TRIM39: variants seen among roughly 807,000 people sequenced by gnomAD.
TRIM39 encodes the protein E3 ubiquitin-protein ligase TRIM39.
TRIM39 carries 5 observed loss-of-function variants against 53.6 expected under a neutral mutation model. The ratio of observed to expected loss-of-function variants is 0.09; its 90% CI spans 0.05 to 0.20. TRIM39 has a LOEUF of 0.20. TRIM39 is among the 10% of genes least tolerant of loss of function. TRIM39 has a pLI of 1.00. For synonymous variants in TRIM39, 196 were observed against 237.6 expected (o/e 0.82, Z 1.61); for missense variants, 310 against 621.0 (o/e 0.50, Z 5.32).
intron 7 of TRIM39, among the ~76,000 whole-genome samples, chr6:30,341,027 G>A (rs2127412815): frequency 6.6e-6 from 1 of 152,218 alleles, no homozygotes; most frequent in Non-Finnish European, 1.5e-5. Context: ...GGCCAACACG[G>A]TGAAACCCCA....
intron 3 of TRIM39, among the ~76,000 whole-genome samples, chr6:30,330,373 AC>A (rs1304876433): frequency 6.6e-5 from 10 of 152,250 alleles, no homozygotes; most frequent in Admixed American, 6.5e-4. Context: ...CAGGTAACTT[AC>A]AGTATAATAA....
At chr6:30,340,970 G>C (rs369290826) in intron 7 of TRIM39, among the ~76,000 whole-genome samples, 42 of 152,270 alleles carry the variant, frequency 2.8e-4, no homozygotes, top group Admixed American at 2.0e-3. Context: ...CACTTTGGGA[G>C]GCCAAGGCTG....
exon 8 of TRIM39, chr6:30,341,953 G>T: frequency 3.7e-6 from 6 of 1,613,064 alleles, no homozygotes; most frequent in Non-Finnish European, 5.1e-6. Context: ...TGAGCCGAAA[G>T]GGCGAGTTGA....
At chr6:30,330,842 A>C in exon 4 of TRIM39, 1 of 1,614,166 alleles carries the variant, frequency 6.2e-7, no homozygotes, top group East Asian at 2.2e-5. Context: ...ACTCGCTGCA[A>C]GTCCTCTGAG....
chr6:30,341,713 G>A (rs1186248355), exon 8 of TRIM39: 2 of 1,609,610 alleles, frequency 1.2e-6, no homozygotes. Context: ...TCCCGCCAGC[G>A]GATGTGACCC....
At chr6:30,327,665 C>T (rs984095589) in intron 1 of TRIM39, 3 of 152,258 alleles carry the variant, frequency 2.0e-5, no homozygotes, top group Non-Finnish European at 2.9e-5. Context: ...CGTCCTGGTG[C>T]CTTACTGTGC....
chr6:30,338,263 C>T lies in TRIM39; in HGVS notation c.781-1645C>T, dbSNP rs751168109. 1.1e-4 allele frequency among the ~76,000 whole-genome samples: 17 copies of T among 152,176 alleles called. No homozygotes were observed. The highest frequency in any genetic ancestry group is 2.2e-4 in the Non-Finnish European group (15 of 68,030). On this transcript the variant is annotated intron_variant, in intron 5 of 7. Transcript: ENST00000396551. This position sits in a 1 kb window ranked among gnomAD's most constrained non-coding sequence, Gnocchi z 4.0. ...TGGCTTGGTGTTTGGCACAAGAGGC[C>T]TAGCTTTCAGCCCATCTTGGCTTTC...
chr6:30,342,052 C>A lies in TRIM39; in HGVS notation c.1260C>A (p.His420Gln). 6.2e-7 allele frequency: 1 copy of A among 1,613,044 alleles called. No homozygotes were observed. The highest frequency in any genetic ancestry group is 2.2e-5 in the East Asian group (1 of 44,870). ...CCACCACACCTTTTACCCCTTTGCA[C>A]ATCAAGGTGAAACCCAAGCGGGTAG... is the stretch of plus-strand genomic sequence containing the variant. Residue 420 changes from histidine to glutamine, a missense_variant, in exon 8 of 8, where the codon CAC (histidine) becomes CAA (glutamine). This residue lies in a region of TRIM39 where 75 missense variants were observed against 244.8 expected (regional missense o/e 0.31). Coordinates refer to ENST00000396551, the Ensembl canonical transcript of TRIM39. This position sits in a 1 kb window ranked among gnomAD's most constrained non-coding sequence, Gnocchi z 4.7.
At chr6:30,326,653 G>T (rs566055478) in exon 1 of TRIM39, 1 of 152,534 alleles carries the variant, frequency 6.6e-6, no homozygotes, top group African/African-American at 2.4e-5. Context: ...GGGCTTCAGC[G>T]CTCGAGCACG....
Position 30,339,998 on chromosome 6 carries a change from G to A in TRIM39, c.803+68G>A, listed in dbSNP as rs1200975657. 3.7e-6 allele frequency: 6 copies of A among 1,612,146 alleles called. No individual in the cohort carries two copies. The highest frequency in any genetic ancestry group is 5.1e-6 in the Non-Finnish European group (6 of 1,178,802). ...TTAGAGAGGAGGGGTACAGTCAGGA[G>A]TTTGGGTTGGGGGTGAGGTTGGGAA... On this transcript the variant is annotated intron_variant, in intron 6 of 7. Coordinates refer to ENST00000396551, the Ensembl canonical transcript of TRIM39. This position sits in a 1 kb window ranked among gnomAD's most constrained non-coding sequence, Gnocchi z 4.2.
rs1554252677 is a variant in TRIM39 at position 30,339,306 on chromosome 6, AC to A, written c.781-600del. On this transcript the variant is annotated intron_variant, in intron 5 of 7. Coordinates refer to ENST00000396551, the Ensembl canonical transcript of TRIM39. The surrounding 1 kb of genome is among the most constrained non-coding windows in gnomAD (Gnocchi z 4.2). ...TGGGGTTACAGGCGCACACCACCAC[AC>A]CTGGCTAATTTTTGTATTTTTAGTA... 6.6e-6 allele frequency among the ~76,000 whole-genome samples: 1 copy of A among 151,740 alleles called. No individual in the cohort carries two copies. The highest frequency in any genetic ancestry group is 1.5e-5 in the Non-Finnish European group (1 of 67,932).
rs28780098 is a variant in TRIM39, at chr6:30,335,591, G to T, written c.550-154G>T. On this transcript the variant is annotated intron_variant, in intron 4 of 7. Coordinates refer to ENST00000396551, the Ensembl canonical transcript of TRIM39. The surrounding 1 kb of genome is among the most constrained non-coding windows in gnomAD (Gnocchi z 4.7). ...ACCTCCCTCGGCCTCCCAAAGTCCTGGGATTACAGTCATGTGTCACCACAC... is the reference window on the plus strand; with the variant it reads ...ACCTCCCTCGGCCTCCCAAAGTCCTTGGATTACAGTCATGTGTCACCACAC... Among the ~76,000 whole-genome samples, 7,120 of 152,080 alleles carry T rather than the reference G, an allele frequency of 0.047. 253 individuals are homozygous for T. Among genetic ancestry groups the T allele is most frequent in the South Asian group, 0.12 (580 of 4,826 alleles).
Position 30,341,340 on chromosome 6 carries a change from T to C in TRIM39, c.920-372T>C, listed in dbSNP as rs181978876. ...CACCCTATCCCTAGACCATATGCTG[T>C]CTTGCTCGGCATCCTTCTTAACACT... On this transcript the variant is annotated intron_variant, in intron 7 of 7. Transcript: ENST00000396551. 74 of 553,348 alleles carry C rather than the reference T, an allele frequency of 1.3e-4. No individual in the cohort carries two copies. The Admixed American group carries it at 1.6e-3, about 12-fold the overall frequency. The allele number at this position is 553,348 out of a possible 1,614,324, so 34.3% of individuals were successfully genotyped here. A position where few individuals can be genotyped will look rare whatever the true frequency, so the allele number is the denominator to read the frequency against.
chr6:30,337,040 T>C (rs1295312168), intron 5 of TRIM39, among the ~76,000 whole-genome samples: 4 of 152,222 alleles, frequency 2.6e-5, no homozygotes, highest in Non-Finnish European at 5.9e-5. Context: ...GGTGATCAAG[T>C]GCATTGTCAG....
Position 30,338,895 on chromosome 6 carries a change from T to G in TRIM39, c.781-1013T>G, listed in dbSNP as rs115511463. Among the ~76,000 whole-genome samples the G allele has an allele frequency of 5.7e-3, 871 of 152,280 alleles. 2 individuals carry two copies. Among genetic ancestry groups the G allele is most frequent in the Middle Eastern group, 0.031 (9 of 294 alleles). ...TTTGTTCTCTTACGTAAATGAATGGTGTTAGCAAAACTAGGGAACATATTT... is the reference window on the plus strand; with the variant it reads ...TTTGTTCTCTTACGTAAATGAATGGGGTTAGCAAAACTAGGGAACATATTT... On this transcript the variant is annotated intron_variant, in intron 5 of 7. Coordinates refer to ENST00000396551, the Ensembl canonical transcript of TRIM39. This position sits in a 1 kb window ranked among gnomAD's most constrained non-coding sequence, Gnocchi z 4.0.
At position 30,339,647 on chromosome 6, in the gene TRIM39, AG is replaced by A. The variant is rs552449221; in HGVS notation, c.781-259del. 1.1e-4 allele frequency among the ~76,000 whole-genome samples: 17 copies of A among 152,338 alleles called. No individual in the cohort carries two copies. In the East Asian group the frequency reaches 3.1e-3, roughly 28 times the overall value. Reference sequence around the variant, plus strand: ...TTATAGGGAGCTCCCAGCATCCTTGAGGAGCAAAGACAAGCATAAAAGAAAT... The same window carrying A: ...TTATAGGGAGCTCCCAGCATCCTTGAGAGCAAAGACAAGCATAAAAGAAAT... On this transcript the variant is annotated intron_variant, in intron 5 of 7. Transcript: ENST00000396551. This position sits in a 1 kb window ranked among gnomAD's most constrained non-coding sequence, Gnocchi z 4.2.
chr6:30,342,342 G>A lies in TRIM39; in HGVS notation c.*83G>A, dbSNP rs186782220. ...TCCCGTGTCCTGCTGGAACGTCTTC[G>A]TGTCCACCTGGGTCCAGTCCTGAAT... On this transcript the variant is annotated 3_prime_UTR_variant, in exon 8 of 8. Coordinates refer to ENST00000396551, the Ensembl canonical transcript of TRIM39. The surrounding 1 kb of genome is among the most constrained non-coding windows in gnomAD (Gnocchi z 4.7). The A allele has an allele frequency of 2.8e-4, 398 of 1,438,504 alleles. No individual in the cohort carries two copies. Among genetic ancestry groups the A allele is most frequent in the Non-Finnish European group, 3.4e-4 (356 of 1,041,774 alleles). 89.1% of individuals were successfully genotyped at this position (1,438,504 alleles called of 1,614,324 possible).
chr6:30,335,848 A>G lies in TRIM39; in HGVS notation c.653A>G (p.Glu218Gly). ...GTGTTGCTTTCACGACTGGAAGAAGAGGAACAGGACATTCTGCAGCGACTC... is the reference window on the plus strand; with the variant it reads ...GTGTTGCTTTCACGACTGGAAGAAGGGGAACAGGACATTCTGCAGCGACTC... The change falls in exon 5 of 8, where the codon GAG (glutamate) becomes GGG (glycine). Residue 218 changes from glutamate to glycine, a missense_variant. This residue lies in a region of TRIM39 where 161 missense variants were observed against 210.0 expected (regional missense o/e 0.77). Coordinates refer to ENST00000396551, the Ensembl canonical transcript of TRIM39. This position sits in a 1 kb window ranked among gnomAD's most constrained non-coding sequence, Gnocchi z 4.7. 6.2e-7 allele frequency: 1 copy of G among 1,612,898 alleles called. No individual in the cohort carries two copies. Among genetic ancestry groups the G allele is most frequent in the Non-Finnish European group, 8.5e-7 (1 of 1,179,990 alleles).
At chr6:30,331,625 T>C (rs143517106) in intron 4 of TRIM39, among the ~76,000 whole-genome samples, 1 of 152,140 alleles carries the variant, frequency 6.6e-6, no homozygotes, top group African/African-American at 2.4e-5. Context: ...TCTAATGACA[T>C]TAGGACCACA....
Sources: allele counts gnomAD v4.1 joint callset (sites outside exome capture counted in the v4.1 genomes callset), GRCh38; gene constraint gnomAD v4.1.1; regional missense constraint gnomAD v4.1.1; non-coding constraint Gnocchi (gnomAD v3.1); transcripts MANE v1.5; gene names NCBI Gene and HGNC (gene_info 2026-07-23, HGNC 2026-07-21).